The following TBPL1 variants were observed in gnomAD, a reference collection of about 807,000 sequenced individuals.
The protein encoded by TBPL1 is TATA box-binding protein-like 1.
Under a neutral mutation model 22.1 loss-of-function variants are expected in TBPL1, and 4 were observed. The ratio of observed to expected loss-of-function variants is 0.18; its 90% CI spans 0.09 to 0.41. The LOEUF is 0.41. Among genes scored for constraint, TBPL1 ranks in the 10% least tolerant of loss-of-function variants. The pLI is 1.00. For synonymous variants in TBPL1, 64 were observed against 71.0 expected (o/e 0.90, Z 0.50); for missense variants, 115 against 222.3 (o/e 0.52, Z 3.07).
At chr6:133,960,418 CT>C (rs765884620) in intron 1 of TBPL1, among the ~76,000 whole-genome samples, 402 of 131,548 alleles carry the variant, frequency 3.1e-3, no homozygotes, top group Middle Eastern at 4.1e-3. Flanking sequence ...GCTGACCAGC[CT>C]TTTTTTTTTT....
At chr6:133,966,568 C>T (rs1216806332) in intron 1 of TBPL1, among the ~76,000 whole-genome samples, 1 of 152,194 alleles carries the variant, frequency 6.6e-6, no homozygotes, top group African/African-American at 2.4e-5. Flanking sequence ...CGTATCTCCT[C>T]TTGGATGTCT....
chr6:133,972,887 A>G (rs1248429255), intron 1 of TBPL1, among the ~76,000 whole-genome samples: 2 of 152,198 alleles, frequency 1.3e-5, no homozygotes, highest in Non-Finnish European at 2.9e-5. Context: ...CCTGTGAGGT[A>G]CAGGTGGTAT....
chr6:133,987,145 C>G lies in TBPL1; in HGVS notation c.*105C>G. 6.0e-6 allele frequency: 4 copies of G among 665,956 alleles called. No individual in the cohort carries two copies. The South Asian group carries it at 9.1e-5, about 15-fold the overall frequency. 41.3% of individuals were successfully genotyped at this position (665,956 alleles called of 1,614,324 possible). On this transcript the variant is annotated 3_prime_UTR_variant, in exon 7 of 7. Coordinates refer to ENST00000237264, the MANE Select transcript of TBPL1 (RefSeq NM_004865.4). Reference sequence around the variant, plus strand: ...CCAACAATAATTGAGGAAATAGACTCTTTTATTCATTCACGGCTACAGTGT... The same window carrying G: ...CCAACAATAATTGAGGAAATAGACTGTTTTATTCATTCACGGCTACAGTGT...
In TBPL1 at chr6:133,984,513, A is replaced by G. The variant is rs981296774; in HGVS notation, c.386+34A>G. On this transcript the variant is annotated intron_variant, in intron 5 of 6. Coordinates refer to ENST00000237264, the MANE Select transcript of TBPL1 (RefSeq NM_004865.4). ...TTGAAGCAATTTATCTTGAGAAATT[A>G]CCAAATTTGAAATTACTAGTCAGGG... is the stretch of plus-strand genomic sequence containing the variant. 1.9e-6 allele frequency: 3 copies of G among 1,610,144 alleles called. No homozygotes were observed. The African/African-American group carries it at 4.0e-5, about 22-fold the overall frequency.
chr6:133,980,335 C>T (rs1776387013), intron 2 of TBPL1, 75 bp downstream of exon 2: 1 of 1,445,228 alleles, frequency 6.9e-7, no homozygotes, highest in Non-Finnish European at 9.2e-7. Flanking sequence ...AAAATGTATT[C>T]ATTCTACAGA....
intron 1 of TBPL1, among the ~76,000 whole-genome samples, chr6:133,959,516 C>T (rs376895816): frequency 6.6e-6 from 1 of 152,128 alleles, no homozygotes; most frequent in South Asian, 2.1e-4. Context: ...GAGTCTCACT[C>T]TGTCGCCCAG....
rs1165164380 is a variant in TBPL1 at position 133,987,646 on chromosome 6, G to GTTTATATATA, written c.*607_*608insTTATATATAT. On this transcript the variant is annotated 3_prime_UTR_variant, in exon 7 of 7. Transcript: ENST00000237264. ...ATTTTGTGTGTGTGTGTGTGTGTGT[G>GTTTATATATA]TGTATATATATATATATATATGCAC... The GTTTATATATA allele has an allele frequency of 7.5e-6, 1 of 133,214 alleles. No homozygotes were observed. Among genetic ancestry groups the GTTTATATATA allele is most frequent in the African/African-American group, 2.8e-5 (1 of 36,116 alleles). 8.3% of individuals were successfully genotyped at this position (133,214 alleles called of 1,614,324 possible).
chr6:133,980,711 G>A (rs1190160498), intron 2 of TBPL1, among the ~76,000 whole-genome samples: 1 of 151,184 alleles, frequency 6.6e-6, no homozygotes, highest in East Asian at 1.9e-4. Context: ...TCTTAACCTG[G>A]ACATCTTAAA....
rs200249148 is a variant in TBPL1 at position 133,987,648 on chromosome 6, G to GTGTGTGTATATATATATATA, written c.*609_*610insGTGTGTATATATATATATAT. 1.0e-4 allele frequency: 9 copies of GTGTGTGTATATATATATATA among 88,316 alleles called. No homozygotes were observed. The highest frequency in any genetic ancestry group is 2.6e-4 in the Non-Finnish European group (9 of 35,236). 5.5% of individuals were successfully genotyped at this position (88,316 alleles called of 1,614,324 possible). A position where few individuals can be genotyped will look rare whatever the true frequency, so the allele number is the denominator to read the frequency against. ...TTTGTGTGTGTGTGTGTGTGTGTGTGTATATATATATATATATATGCACCA... is the reference window on the plus strand; with the variant it reads ...TTTGTGTGTGTGTGTGTGTGTGTGTGTGTGTGTATATATATATATATATATATATATATATATATGCACCA... On this transcript the variant is annotated 3_prime_UTR_variant, in exon 7 of 7. Coordinates refer to ENST00000237264, the MANE Select transcript of TBPL1 (RefSeq NM_004865.4).
chr6:133,985,137 G>A (rs1776484387), intron 6 of TBPL1, among the ~76,000 whole-genome samples: 2 of 150,994 alleles, frequency 1.3e-5, no homozygotes, highest in Admixed American at 1.3e-4. Flanking sequence ...ATATTAGCTG[G>A]GCGTGGTGGT....
intron 1 of TBPL1, among the ~76,000 whole-genome samples, chr6:133,955,052 A>G (rs4896017): frequency 0.14 from 21,805 of 152,042 alleles, 2,014 homozygotes; most frequent in African/African-American, 0.27. Context: ...TTAAGAAGAA[A>G]AAGATAGATT....
rs1048645084 is a variant in TBPL1, at chr6:133,988,623, C to G, written c.*1583C>G. 6.6e-6 allele frequency: 1 copy of G among 152,138 alleles called. No homozygotes were observed. The highest frequency in any genetic ancestry group is 1.5e-5 in the Non-Finnish European group (1 of 68,024). The allele number at this position is 152,138 out of a possible 1,614,324, so 9.4% of individuals were successfully genotyped here. On this transcript the variant is annotated 3_prime_UTR_variant, in exon 7 of 7. Transcript: ENST00000237264. ...TTTTTATCTTTTTTCTTCTCAATGCCTTCCCTAACCTCCTGCTTATTCCAA... is the reference window on the plus strand; with the variant it reads ...TTTTTATCTTTTTTCTTCTCAATGCGTTCCCTAACCTCCTGCTTATTCCAA...
rs1485455950 is a variant in TBPL1, at chr6:133,989,948, G to T, written c.*2908G>T. Reference sequence around the variant, plus strand: ...TGTGTCTTCCATCACTTAAATATTAGTAATTTAATATGTTATTTGGTTCAA... The same window carrying T: ...TGTGTCTTCCATCACTTAAATATTATTAATTTAATATGTTATTTGGTTCAA... On this transcript the variant is annotated 3_prime_UTR_variant, in exon 7 of 7. Coordinates refer to ENST00000237264, the MANE Select transcript of TBPL1 (RefSeq NM_004865.4). The T allele has an allele frequency of 6.6e-6, 1 of 152,178 alleles. No homozygotes were observed. The highest frequency in any genetic ancestry group is 2.4e-5 in the African/African-American group (1 of 41,440). The allele number at this position is 152,178 out of a possible 1,614,324, so 9.4% of individuals were successfully genotyped here. A position where few individuals can be genotyped will look rare whatever the true frequency, so the allele number is the denominator to read the frequency against.
intron 1 of TBPL1, among the ~76,000 whole-genome samples, chr6:133,974,825 G>C (rs1204492225): frequency 1.3e-5 from 2 of 152,150 alleles, no homozygotes; most frequent in East Asian, 3.8e-4. Context: ...ATTCTTTTAA[G>C]TTAGCATTTC....
intron 1 of TBPL1, among the ~76,000 whole-genome samples, chr6:133,979,426 A>G (rs1026068613): frequency 1.2e-4 from 19 of 152,092 alleles, no homozygotes; most frequent in African/African-American, 3.9e-4. Flanking sequence ...CCAGAGTCCA[A>G]CCCTTGAACG....
At chr6:133,978,767 A>T (rs1000886755) in intron 1 of TBPL1, among the ~76,000 whole-genome samples, 31 of 152,208 alleles carry the variant, frequency 2.0e-4, no homozygotes, top group African/African-American at 6.5e-4. Flanking sequence ...TCTATCAGAA[A>T]CTTAAAGGCA....
chr6:133,959,188 C>T (rs910060087), intron 1 of TBPL1, among the ~76,000 whole-genome samples: 2 of 152,062 alleles, frequency 1.3e-5, no homozygotes, highest in African/African-American at 2.4e-5. Context: ...TACAGGCATG[C>T]GCCACCACGC....
At position 133,968,953 on chromosome 6, in the gene TBPL1, TC is replaced by T. The variant is rs1300037964; in HGVS notation, c.-44-11127del. On this transcript the variant is annotated intron_variant, in intron 1 of 6. Transcript: ENST00000237264. ...TGAGATTACAGGCGTGAGGCACCAC[TC>T]CTGGTCAGTATCCAAGTTTTCTTAC... 2.0e-5 allele frequency: 3 copies of T among 152,326 alleles called. No individual in the cohort carries two copies. In the East Asian group the frequency reaches 5.8e-4, roughly 29 times the overall value. 9.4% of individuals were successfully genotyped at this position (152,326 alleles called of 1,614,324 possible).
intron 1 of TBPL1, among the ~76,000 whole-genome samples, chr6:133,960,024 G>A (rs530939877): frequency 9.9e-5 from 15 of 152,160 alleles, no homozygotes; most frequent in African/African-American, 3.4e-4. Context: ...CTGGTGAGCC[G>A]CAAGCGTTTT....
Sources: allele counts gnomAD v4.1 joint callset (sites outside exome capture counted in the v4.1 genomes callset), GRCh38; gene constraint gnomAD v4.1.1; transcripts MANE v1.5; gene names NCBI Gene and HGNC (gene_info 2026-07-23, HGNC 2026-07-21).